The following AEBP2 variants were observed in gnomAD, a reference collection of about 807,000 sequenced individuals.
AEBP2 encodes AE binding protein 2, also known as zinc finger protein AEBP2.
Under a neutral mutation model 50.8 loss-of-function variants are expected in AEBP2, and 10 were observed. The ratio of observed to expected loss-of-function variants is 0.20; its 90% CI spans 0.12 to 0.33. The LOEUF (loss-of-function observed/expected upper bound fraction) is 0.33. Among genes scored for constraint, AEBP2 ranks in the 10% least tolerant of loss-of-function variants. The probability of loss-of-function intolerance (pLI) is 1.00; values close to 1 mark genes in which losing one functional copy is unlikely to be tolerated. For missense variants in AEBP2, 570 were observed against 688.0 expected, an observed-to-expected ratio of 0.83 and a Z score of 1.92; for synonymous variants, 296 against 261.3, an observed-to-expected ratio of 1.13 and a Z score of -1.28.
chr12:19,512,353 T>A, intron 5 of AEBP2, 45 bp from the exon 6 acceptor site: 6 of 1,306,612 alleles, frequency 4.6e-6, no homozygotes, highest in South Asian at 1.4e-5. Flanking sequence ...ATGAAAATGA[T>A]GTTTTACACA....
intron 7 of AEBP2, among the ~76,000 whole-genome samples, chr12:19,515,707 C>T (rs1217294932): frequency 4.6e-5 from 7 of 152,118 alleles, no homozygotes; most frequent in Non-Finnish European, 1.0e-4. Flanking sequence ...GAGTGCTATT[C>T]ACCTGGAGAT....
chr12:19,450,683 A>T (rs1190146287), intron 1 of AEBP2, among the ~76,000 whole-genome samples: 1 of 133,070 alleles, frequency 7.5e-6, no homozygotes, highest in Non-Finnish European at 1.7e-5. Context: ...AAAAAAAAAG[A>T]AAAAAAAAAG....
intron 1 of AEBP2, among the ~76,000 whole-genome samples, chr12:19,430,492 G>GT (rs1238361928): frequency 1.3e-5 from 2 of 152,110 alleles, no homozygotes; most frequent in African/African-American, 4.8e-5. Context: ...TTTTAAAGTA[G>GT]TTTTTTCCAT....
intron 1 of AEBP2, among the ~76,000 whole-genome samples, chr12:19,404,808 T>C (rs973911299): frequency 4.6e-5 from 7 of 152,116 alleles, no homozygotes; most frequent in Non-Finnish European, 8.8e-5. Context: ...CTGAGGTCTA[T>C]GTGGCAGTGG....
intron 5 of AEBP2, among the ~76,000 whole-genome samples, chr12:19,510,833 A>G (rs993288098): frequency 1.4e-5 from 2 of 145,772 alleles, no homozygotes; most frequent in African/African-American, 5.1e-5. Context: ...TTTTACTGTA[A>G]TTCTGCAGTA....
chr12:19,449,828 T>C (rs545356555), intron 1 of AEBP2, among the ~76,000 whole-genome samples: 10 of 152,354 alleles, frequency 6.6e-5, no homozygotes, highest in African/African-American at 2.4e-4. Context: ...TAAAAAATAC[T>C]ACTTAAGTTT....
At chr12:19,461,158 T>C (rs1193366445) in intron 1 of AEBP2, among the ~76,000 whole-genome samples, 3 of 152,236 alleles carry the variant, frequency 2.0e-5, no homozygotes, top group African/African-American at 4.8e-5. Flanking sequence ...AAAGTTAATA[T>C]AATTTTCACA....
intron 1 of AEBP2, among the ~76,000 whole-genome samples, chr12:19,453,255 C>T (rs1199216044): frequency 6.6e-6 from 1 of 152,000 alleles, no homozygotes; most frequent in Admixed American, 6.6e-5. Context: ...AGGCGTGAGC[C>T]ACCGTGCCCG....
intron 1 of AEBP2, among the ~76,000 whole-genome samples, chr12:19,414,051 G>T (rs1306750768): frequency 6.6e-6 from 1 of 151,882 alleles, no homozygotes; most frequent in Non-Finnish European, 1.5e-5. Flanking sequence ...CTGCCATCGT[G>T]CCTGGCTAAT....
chr12:19,445,187 A>G (rs912743947), intron 1 of AEBP2, among the ~76,000 whole-genome samples: 1 of 150,768 alleles, frequency 6.6e-6, no homozygotes. Flanking sequence ...TATAGAATCC[A>G]TGTTATGTGA....
At chr12:19,446,353 T>TGTCATC (rs1210139732) in intron 1 of AEBP2, among the ~76,000 whole-genome samples, 3 of 152,184 alleles carry the variant, frequency 2.0e-5, no homozygotes, top group African/African-American at 7.2e-5. Context: ...TACTCACACC[T>TGTCATC]GTCATCCCTG....
chr12:19,496,776 C>T, intron 4 of AEBP2, among the ~76,000 whole-genome samples: 1 of 151,402 alleles, frequency 6.6e-6, no homozygotes, highest in African/African-American at 2.4e-5. Context: ...ATTCTCCCAC[C>T]TCAGCCTCCC....
chr12:19,488,747 T>G (rs1948852647), intron 3 of AEBP2, among the ~76,000 whole-genome samples: 1 of 152,134 alleles, frequency 6.6e-6, no homozygotes, highest in Admixed American at 6.6e-5. Context: ...AAAAACCAGT[T>G]CAGTAATTCT....
chr12:19,404,844 A>C (rs2095735338), intron 1 of AEBP2, among the ~76,000 whole-genome samples: 1 of 150,942 alleles, frequency 6.6e-6, no homozygotes, highest in Non-Finnish European at 1.5e-5. Flanking sequence ...ATCCATGTTT[A>C]TGAAACGCAG....
chr12:19,481,315 C>G (rs1296455425), intron 3 of AEBP2, among the ~76,000 whole-genome samples: 1 of 151,754 alleles, frequency 6.6e-6, no homozygotes, highest in African/African-American at 2.4e-5. Context: ...GTTGGCCAGG[C>G]TCGTCTTGAA....
chr12:19,504,358 C>T (rs1169295411), intron 5 of AEBP2, among the ~76,000 whole-genome samples: 2 of 148,468 alleles, frequency 1.3e-5, no homozygotes, highest in African/African-American at 2.5e-5. Flanking sequence ...CCTCAGCCTC[C>T]CGAGTAGCTG....
chr12:19,484,585 G>C (rs1380684993), intron 3 of AEBP2, among the ~76,000 whole-genome samples: 1 of 152,038 alleles, frequency 6.6e-6, no homozygotes, highest in East Asian at 1.9e-4. Context: ...ATGTTGGCCA[G>C]GATGGTCTCG....
chr12:19,451,473 G>A (rs1403867862), intron 1 of AEBP2, among the ~76,000 whole-genome samples: 2 of 152,120 alleles, frequency 1.3e-5, no homozygotes, highest in Non-Finnish European at 1.5e-5. Flanking sequence ...TTCTTAAATG[G>A]TGGTTGAAGA....
intron 2 of AEBP2, among the ~76,000 whole-genome samples, chr12:19,469,251 TG>T (rs145147583): frequency 1.3e-3 from 204 of 152,292 alleles, no homozygotes; most frequent in African/African-American, 4.8e-3. Flanking sequence ...AATGGCTGTG[TG>T]GGTTTAAAAT....
Sources: gnomAD v4.1 joint callset for allele counts (sites outside exome capture counted in the v4.1 genomes callset) on GRCh38, gnomAD v4.1.1 for gene constraint, MANE v1.5 for transcripts, NCBI Gene and HGNC (gene_info 2026-07-23, HGNC 2026-07-21) for gene names.